SNTB2: variants seen among roughly 807,000 people sequenced by gnomAD.
The protein encoded by SNTB2 is syntrophin beta 2.
A neutral mutation model predicts 46.2 loss-of-function variants in SNTB2; 34 were observed. The ratio of observed to expected loss-of-function variants is 0.74; its 90% CI spans 0.56 to 0.98. The LOEUF (loss-of-function observed/expected upper bound fraction) is 0.98, where lower values mean the gene tolerates loss of function less well. Among genes scored for constraint, SNTB2 ranks in the 50% least tolerant of loss-of-function variants. The pLI is 0.00. For synonymous variants in SNTB2, 290 were observed against 312.6 expected (o/e 0.93, Z 0.76); for missense variants, 603 against 731.4 (o/e 0.82, Z 2.02).
rs139739122 is a variant in SNTB2, at chr16:69,281,431, C to T, written c.1149-2617C>T. ...AGAAATTTTAGTATTGTGTTTTACA[C>T]TTAGGTCAAAGATCCATTTTGAGTT... On this transcript the variant is annotated intron_variant, in intron 4 of 6. Transcript: ENST00000336278. Among the ~76,000 whole-genome samples, 1,133 of 148,844 alleles carry T rather than the reference C, an allele frequency of 7.6e-3. 7 individuals carry two copies. The highest frequency in any genetic ancestry group is 0.012 in the Non-Finnish European group (815 of 67,478).
In SNTB2 at chr16:69,245,606, G is replaced by A; in HGVS notation, c.585G>A (p.Lys195=). 6.2e-7 allele frequency: 1 copy of A among 1,613,790 alleles called. No individual in the cohort carries two copies. Among genetic ancestry groups the A allele is most frequent in the Non-Finnish European group, 8.5e-7 (1 of 1,179,826 alleles). The change falls in exon 2 of 7, where the codon AAG becomes AAA. Residue 195 remains lysine, a synonymous_variant. Transcript: ENST00000336278. ...CTTTGATTTTTTTGTTCATAGTCAA[G>A]TTCATCCGAGAAGTAACACCATATA... ...RAGKEVLLEV[K]FIREVTPYIK... is the part of the protein sequence containing the mutation.
intron 1 of SNTB2, among the ~76,000 whole-genome samples, chr16:69,213,574 A>T (rs1015251696): frequency 5.9e-5 from 9 of 151,792 alleles, no homozygotes; most frequent in Non-Finnish European, 1.2e-4. Context: ...ATCTTGGCTC[A>T]CTGCAGCCTC....
At position 69,238,013 on chromosome 16, in the gene SNTB2, C is replaced by T. The variant is rs151016322; in HGVS notation, c.581-7589C>T. Among the ~76,000 whole-genome samples the T allele has an allele frequency of 3.5e-3, 527 of 152,288 alleles. 1 individual carries two copies. Among genetic ancestry groups the T allele is most frequent in the African/African-American group, 0.013 (521 of 41,554 alleles). ...TCTGCTTTCTCTTCCGTACTCACTTCCTTGCTTGTGCTGGAAGTCTTCCAT... is the reference window on the plus strand; with the variant it reads ...TCTGCTTTCTCTTCCGTACTCACTTTCTTGCTTGTGCTGGAAGTCTTCCAT... On this transcript the variant is annotated intron_variant, in intron 1 of 6. Coordinates refer to ENST00000336278, the MANE Select transcript of SNTB2 (RefSeq NM_006750.4).
At chr16:69,273,596 T>C (rs1964958590) in intron 4 of SNTB2, among the ~76,000 whole-genome samples, 2 of 152,168 alleles carry the variant, frequency 1.3e-5, no homozygotes, top group Admixed American at 6.6e-5. Context: ...GGATTTCTTT[T>C]TGAGATGATG....
chr16:69,292,415 ATATT>A (rs1567416487), intron 5 of SNTB2, among the ~76,000 whole-genome samples: 279 of 17,594 alleles, frequency 0.016, 62 homozygotes, highest in African/African-American at 0.11. Context: ...TATTATATAT[ATATT>A]ATATATATAT....
chr16:69,297,251 C>T (rs1464586504), intron 5 of SNTB2, among the ~76,000 whole-genome samples: 1 of 118,642 alleles, frequency 8.4e-6, no homozygotes, highest in African/African-American at 3.3e-5. Context: ...AGGTTGCAGT[C>T]AGCTGAGATT....
chr16:69,241,624 TAA>T (rs1292900093), intron 1 of SNTB2, among the ~76,000 whole-genome samples: 2 of 135,622 alleles, frequency 1.5e-5, no homozygotes. Context: ...CCGTCTCTAC[TAA>T]AAAAAAAAAA....
chr16:69,267,966 C>G (rs919731540), intron 3 of SNTB2, among the ~76,000 whole-genome samples: 8 of 152,162 alleles, frequency 5.3e-5, no homozygotes, highest in African/African-American at 1.7e-4. Flanking sequence ...GTTGAACAGT[C>G]CTTGCTCAAA....
intron 5 of SNTB2, among the ~76,000 whole-genome samples, chr16:69,299,059 G>A (rs1468409651): frequency 1.3e-5 from 2 of 152,114 alleles, no homozygotes; most frequent in African/African-American, 4.8e-5. Flanking sequence ...AGTGTTCAGT[G>A]GGTACTCGAG....
At position 69,299,724 on chromosome 16, in the gene SNTB2, G is replaced by A; in HGVS notation, c.1480G>A (p.Asp494Asn). ...PFERLKMSADDGIRNLYLDFG... is the reference protein window; with the variant it reads ...PFERLKMSADNGIRNLYLDFG... ...TGAAAGGCTGAAGATGTCTGCTGATGATGGCATCCGAAATCTATACTTGGA... is the reference window on the plus strand; with the variant it reads ...TGAAAGGCTGAAGATGTCTGCTGATAATGGCATCCGAAATCTATACTTGGA... Residue 494 changes from aspartate to asparagine, a missense_variant, in exon 6 of 7, where the codon GAT becomes AAT. Physicochemically the swap from Asp to Asn is conservative, Grantham distance 23. This residue lies in a region of SNTB2 where 537 missense variants were observed against 692.4 expected (regional missense o/e 0.78). Transcript: ENST00000336278. 6.2e-7 allele frequency: 1 copy of A among 1,614,162 alleles called. No homozygotes were observed. Among genetic ancestry groups the A allele is most frequent in the Non-Finnish European group, 8.5e-7 (1 of 1,180,020 alleles).
At chr16:69,190,596 G>T (rs1160131309) in intron 1 of SNTB2, among the ~76,000 whole-genome samples, 1 of 152,144 alleles carries the variant, frequency 6.6e-6, no homozygotes, top group Non-Finnish European at 1.5e-5. Context: ...GTCTATATAG[G>T]TCCATCATGG....
At chr16:69,260,852 G>C (rs1349080024) in intron 3 of SNTB2, among the ~76,000 whole-genome samples, 1 of 152,064 alleles carries the variant, frequency 6.6e-6, no homozygotes. Flanking sequence ...TTTACAATTA[G>C]ACAGAGGTAC....
At chr16:69,257,212 C>T (rs931108901) in intron 2 of SNTB2, among the ~76,000 whole-genome samples, 19 of 150,854 alleles carry the variant, frequency 1.3e-4, no homozygotes, top group African/African-American at 4.4e-4. Flanking sequence ...TCAGACCTAA[C>T]CTGCTATTCA....
intron 1 of SNTB2, among the ~76,000 whole-genome samples, chr16:69,212,975 A>G (rs994146515): frequency 6.6e-6 from 1 of 152,212 alleles, no homozygotes; most frequent in African/African-American, 2.4e-5. Context: ...GTATTTCTAT[A>G]ATAGTGCTTA....
intron 1 of SNTB2, among the ~76,000 whole-genome samples, chr16:69,234,665 G>A (rs1355376182): frequency 6.6e-6 from 1 of 151,470 alleles, no homozygotes; most frequent in Non-Finnish European, 1.5e-5. Context: ...ACCAGAGTAC[G>A]GAGATGCAGA....
At chr16:69,226,935 G>C (rs949338832) in intron 1 of SNTB2, among the ~76,000 whole-genome samples, 1 of 152,278 alleles carries the variant, frequency 6.6e-6, no homozygotes, top group East Asian at 1.9e-4. Flanking sequence ...TTTATGGCAG[G>C]TTTGTTTTAA....
chr16:69,296,890 C>A (rs568209534), intron 5 of SNTB2, among the ~76,000 whole-genome samples: 1 of 151,884 alleles, frequency 6.6e-6, no homozygotes, highest in East Asian at 1.9e-4. Context: ...CACCTGTAAT[C>A]CCAGCTACTC....
chr16:69,249,345 A>G (rs919905452), intron 2 of SNTB2, among the ~76,000 whole-genome samples: 2 of 152,110 alleles, frequency 1.3e-5, no homozygotes, highest in Admixed American at 6.6e-5. Flanking sequence ...TTTTGAGAAT[A>G]GGTACCTGTA....
In SNTB2 at chr16:69,284,096, C is replaced by T. The variant is rs775897102; in HGVS notation, c.1197C>T (p.Asp399=). ...SGCRSPSLGS[D]LTFATRTGSR... is the part of the protein sequence containing the mutation. Reference sequence around the variant, plus strand: ...GTCGATCCCCCTCCCTTGGATCTGACCTTACATTTGCTACCAGGACAGGCT... The same window carrying T: ...GTCGATCCCCCTCCCTTGGATCTGATCTTACATTTGCTACCAGGACAGGCT... Residue 399 remains aspartate (D), a synonymous_variant, in exon 5 of 7, where the codon GAC becomes GAT. Coordinates refer to ENST00000336278, the MANE Select transcript of SNTB2 (RefSeq NM_006750.4). 4.3e-6 allele frequency: 7 copies of T among 1,613,758 alleles called. No individual in the cohort carries two copies. Among genetic ancestry groups the T allele is most frequent in the Middle Eastern group, 3.3e-4 (2 of 6,084 alleles).
Sources: allele counts gnomAD v4.1 joint callset (sites outside exome capture counted in the v4.1 genomes callset), GRCh38; gene constraint gnomAD v4.1.1; regional missense constraint gnomAD v4.1.1; transcripts MANE v1.5; gene names NCBI Gene and HGNC (gene_info 2026-07-23, HGNC 2026-07-21).